PDZD2: variants seen among roughly 807,000 people sequenced by gnomAD.
PDZD2 encodes PDZ domain containing 2, also known as PDZ domain-containing protein 2.
In PDZD2, 90 loss-of-function variants were observed where a neutral mutation model predicts 220.7. The observed-to-expected ratio is 0.41, with a 90% CI of 0.34 to 0.49. The LOEUF is 0.49. PDZD2 is among the 20% of genes least tolerant of loss of function. The pLI, the probability that PDZD2 is intolerant of heterozygous loss-of-function variation, is 0.28. For synonymous variants in PDZD2, 1,375 were observed against 1,450.5 expected, an observed-to-expected ratio of 0.95 and a Z score of 1.18; for missense variants, 3,174 against 3,608.5, an observed-to-expected ratio of 0.88 and a Z score of 3.08.
chr5:31,871,709 A>G lies in PDZD2; in HGVS notation c.476+71985A>G, dbSNP rs530106984. Among the ~76,000 whole-genome samples, 7 of 152,226 alleles carry G rather than the reference A, an allele frequency of 4.6e-5. No homozygotes were observed. In the East Asian group the frequency reaches 1.4e-3, roughly 29 times the overall value. ...AGTGATCCACCTGCCTCAGCCTCCC[A>G]AAGTGCTGGGATTACAGGCATGAGC... On this transcript the variant is annotated intron_variant, in intron 2 of 24. Transcript: ENST00000438447.
At chr5:32,054,338 T>TTTA (rs1554034160) in intron 10 of PDZD2, among the ~76,000 whole-genome samples, 10,479 of 125,624 alleles carry the variant, frequency 0.083, 1,094 homozygotes, top group Non-Finnish European at 0.12. Flanking sequence ...TTTTTTTTTT[T>TTTA]AATGAGACAG....
intron 6 of PDZD2, among the ~76,000 whole-genome samples, chr5:32,032,739 TATTTA>T (rs1285731842): frequency 6.6e-6 from 1 of 152,222 alleles, no homozygotes; most frequent in East Asian, 1.9e-4. Flanking sequence ...AAACCTATGT[TATTTA>T]ATTCCCAAAT....
chr5:32,017,344 C>A (rs1378488213), intron 6 of PDZD2, among the ~76,000 whole-genome samples: 4 of 151,608 alleles, frequency 2.6e-5, no homozygotes, highest in Admixed American at 2.6e-4. Flanking sequence ...GAGACTGAGG[C>A]ACAAGAATCG....
chr5:31,877,372 C>T (rs373044730), intron 2 of PDZD2, among the ~76,000 whole-genome samples: 3 of 151,978 alleles, frequency 2.0e-5, no homozygotes, highest in Non-Finnish European at 2.9e-5. Flanking sequence ...CATACCACCA[C>T]GCTGAGCTAA....
intron 1 of PDZD2, among the ~76,000 whole-genome samples, chr5:31,785,966 G>A (rs895886561): frequency 2.0e-5 from 3 of 152,088 alleles, no homozygotes; most frequent in African/African-American, 4.8e-5. Flanking sequence ...GGGTCATGGA[G>A]GGACTCGGGG....
intron 2 of PDZD2, among the ~76,000 whole-genome samples, chr5:31,874,074 T>C (rs1739083480): frequency 1.3e-5 from 2 of 152,154 alleles, no homozygotes; most frequent in African/African-American, 4.8e-5. Context: ...GGCTGGATAC[T>C]CAGGCAGGGT....
chr5:31,861,828 G>A (rs1037737087), intron 2 of PDZD2, among the ~76,000 whole-genome samples: 9 of 152,140 alleles, frequency 5.9e-5, no homozygotes, highest in African/African-American at 2.2e-4. Context: ...GTGCTTGGTG[G>A]TGTCAGGAAG....
chr5:32,049,258 A>G (rs1401150867), intron 8 of PDZD2, among the ~76,000 whole-genome samples: 9 of 152,192 alleles, frequency 5.9e-5, no homozygotes, highest in African/African-American at 2.2e-4. Context: ...CCTCCATCTC[A>G]GCATCCTCAA....
intron 1 of PDZD2, among the ~76,000 whole-genome samples, chr5:31,720,331 G>C (rs919736859): frequency 1.3e-5 from 2 of 152,150 alleles, no homozygotes; most frequent in African/African-American, 4.8e-5. Flanking sequence ...AAGCATAGCA[G>C]GTATCCATTC....
Position 31,864,135 on chromosome 5 carries a change from A to T in PDZD2, c.476+64411A>T, listed in dbSNP as rs532476398. ...AGGAGGAAAGAGCATCTGGGTATTT[A>T]TCTCCCTAGCAGTCCCCCTAACCTT... On this transcript the variant is annotated intron_variant, in intron 2 of 24. Coordinates refer to ENST00000438447, the MANE Select transcript of PDZD2 (RefSeq NM_178140.4). 2.6e-5 allele frequency among the ~76,000 whole-genome samples: 4 copies of T among 152,278 alleles called. No homozygotes were observed. In the South Asian group the frequency reaches 8.3e-4, roughly 32 times the overall value.
At chr5:31,917,750 T>C (rs1743817144) in intron 2 of PDZD2, among the ~76,000 whole-genome samples, 1 of 152,076 alleles carries the variant, frequency 6.6e-6, no homozygotes, top group East Asian at 1.9e-4. Context: ...TTTTTTATTT[T>C]TATTTTTTAG....
Position 31,849,891 on chromosome 5 carries a change from CAT to C in PDZD2, c.476+50179_476+50180del, listed in dbSNP as rs753523975. On this transcript the variant is annotated intron_variant, in intron 2 of 24. Transcript: ENST00000438447. The stretch of plus-strand genomic sequence containing the variant: ...ATATACATATATATATATATATACA[CAT>C]ATATATATATACATATATATATATA... 8.3e-3 allele frequency among the ~76,000 whole-genome samples: 141 copies of C among 17,032 alleles called. 20 individuals are homozygous for C. The highest frequency in any genetic ancestry group is 0.07 in the East Asian group (37 of 528). 11.2% of individuals were successfully genotyped at this position (17,032 alleles called of 152,430 possible).
chr5:32,031,922 G>A (rs1188932782), intron 6 of PDZD2, among the ~76,000 whole-genome samples: 1 of 152,154 alleles, frequency 6.6e-6, no homozygotes, highest in African/African-American at 2.4e-5. Flanking sequence ...GGCACAATCC[G>A]TGCTGCTGCC....
chr5:32,090,894 C>T lies in PDZD2; in HGVS notation c.7446C>T (p.Leu2482=), dbSNP rs1041933854. The stretch of plus-strand genomic sequence containing the variant: ...CCTCGCCCGTGTCCCGCTCCAAGCT[C>T]CAGGAGCTGAGAGCCTTGAGCATGC... ...TQPSPVSRSK[L]QELRALSMPD... Residue 2482 remains leucine, a synonymous_variant, in exon 20 of 25, where the codon CTC becomes CTT. Coordinates refer to ENST00000438447, the MANE Select transcript of PDZD2 (RefSeq NM_178140.4). This position sits in a 1 kb window ranked among gnomAD's most constrained non-coding sequence, Gnocchi z 4.3. 6.2e-7 allele frequency: 1 copy of T among 1,614,046 alleles called. No homozygotes were observed. The highest frequency in any genetic ancestry group is 1.1e-5 in the South Asian group (1 of 91,078).
chr5:31,972,209 G>T (rs150666363), intron 2 of PDZD2, among the ~76,000 whole-genome samples: 1 of 152,118 alleles, frequency 6.6e-6, no homozygotes, highest in African/African-American at 2.4e-5. Flanking sequence ...TGCCTCCCAG[G>T]ATCAAGCGAT....
intron 2 of PDZD2, among the ~76,000 whole-genome samples, chr5:31,941,548 G>A (rs1233898052): frequency 7.9e-5 from 12 of 152,208 alleles, no homozygotes; most frequent in Non-Finnish European, 1.6e-4. Context: ...TTACAGGCTA[G>A]AACTTGCTTG....
At chr5:31,976,108 CTG>C (rs1749745729) in intron 2 of PDZD2, among the ~76,000 whole-genome samples, 1 of 152,106 alleles carries the variant, frequency 6.6e-6, no homozygotes, top group Admixed American at 6.6e-5. Context: ...CTTTTGGAAT[CTG>C]TGAGGAAATT....
chr5:32,060,485 GTTATA>G (rs1053972680), intron 13 of PDZD2, among the ~76,000 whole-genome samples: 2 of 152,128 alleles, frequency 1.3e-5, no homozygotes, highest in African/African-American at 2.4e-5. Context: ...TCCTCCTTAA[GTTATA>G]TTATAATAAT....
At chr5:31,734,938 C>T (rs192927677) in intron 1 of PDZD2, among the ~76,000 whole-genome samples, 57 of 152,294 alleles carry the variant, frequency 3.7e-4, no homozygotes, top group South Asian at 1.0e-3. Context: ...TATCACAATT[C>T]CTCGAGGATT....
Sources: allele counts gnomAD v4.1 joint callset (sites outside exome capture counted in the v4.1 genomes callset), GRCh38; gene constraint gnomAD v4.1.1; non-coding constraint Gnocchi (gnomAD v3.1); transcripts MANE v1.5; gene names NCBI Gene and HGNC (gene_info 2026-07-23, HGNC 2026-07-21).